Variants in DNAH14 observed in about 807,000 individuals in gnomAD.
DNAH14 encodes the protein dynein axonemal heavy chain 14, also known as axonemal beta dynein heavy chain 14.
In DNAH14, 478 loss-of-function variants were observed where a neutral mutation model predicts 520.9. The ratio of observed to expected loss-of-function variants is 0.92; its 90% CI spans 0.85 to 0.99. DNAH14 has a LOEUF of 0.99. Among genes scored for constraint, DNAH14 ranks in the 50% least tolerant of loss-of-function variants. DNAH14 has a pLI of 0.00. For synonymous variants in DNAH14, 1,581 were observed against 1,757.2 expected (o/e 0.90, Z 2.51); for missense variants, 4,831 against 5,234.5 (o/e 0.92, Z 2.38).
intron 8 of DNAH14, among the ~76,000 whole-genome samples, chr1:224,990,662 A>T (rs984323071): frequency 6.6e-6 from 1 of 152,234 alleles, no homozygotes; most frequent in African/African-American, 2.4e-5. Context: ...ATTCCATTGC[A>T]TATAGATACC....
At chr1:225,203,865 A>T (rs1045394280) in intron 38 of DNAH14, among the ~76,000 whole-genome samples, 2 of 152,130 alleles carry the variant, frequency 1.3e-5, no homozygotes, top group African/African-American at 4.8e-5. Flanking sequence ...ATGTATGGTG[A>T]TTGTCTGTGG....
At position 225,229,216 on chromosome 1, in the gene DNAH14, G is replaced by T. The variant is rs1461893642; in HGVS notation, c.6440-1857G>T. ...CTGTGCAGTCAGGCAAAATACCCGTGTCCACATACTTCTTTCATCCGTCGC... is the reference window on the plus strand; with the variant it reads ...CTGTGCAGTCAGGCAAAATACCCGTTTCCACATACTTCTTTCATCCGTCGC... On this transcript the variant is annotated intron_variant, in intron 41 of 85. Coordinates refer to ENST00000682510, the MANE Select transcript of DNAH14 (RefSeq NM_001367479.1). Among the ~76,000 whole-genome samples the T allele has an allele frequency of 3.9e-5, 6 of 152,160 alleles. No homozygotes were observed. In the East Asian group the frequency reaches 7.7e-4, roughly 20 times the overall value.
chr1:225,322,812 A>G lies in DNAH14; in HGVS notation c.9484A>G (p.Ile3162Val), dbSNP rs1428775772. Reference protein sequence around the residue: ...KKLINLDKDSIPDKVFVKLKK... With the variant: ...KKLINLDKDSVPDKVFVKLKK... ...ATTGATTAACCTTGACAAGGACAGCATACCTGATAAGGTAAAAAGTTGATC... is the reference window on the plus strand; with the variant it reads ...ATTGATTAACCTTGACAAGGACAGCGTACCTGATAAGGTAAAAAGTTGATC... Residue 3162 changes from isoleucine (I) to valine (V), a missense_variant, in exon 62 of 86, where the codon ATA (isoleucine) becomes GTA (valine). Coordinates refer to ENST00000682510, the MANE Select transcript of DNAH14 (RefSeq NM_001367479.1). 1.9e-6 allele frequency: 3 copies of G among 1,549,680 alleles called. No individual in the cohort carries two copies. The South Asian group carries it at 3.6e-5, about 18-fold the overall frequency.
intron 53 of DNAH14, among the ~76,000 whole-genome samples, chr1:225,276,756 C>A (rs76382354): frequency 6.7e-4 from 101 of 150,976 alleles, no homozygotes; most frequent in African/African-American, 2.4e-3. Flanking sequence ...TGCACACACA[C>A]AAAAATTTAA....
intron 43 of DNAH14, among the ~76,000 whole-genome samples, chr1:225,245,212 C>T (rs1230827978): frequency 2.6e-5 from 4 of 151,820 alleles, no homozygotes; most frequent in Non-Finnish European, 4.4e-5. Context: ...GTCTGAGAGA[C>T]TGTTATGATT....
chr1:225,004,761 A>G (rs191246684), intron 9 of DNAH14, among the ~76,000 whole-genome samples: 20 of 152,296 alleles, frequency 1.3e-4, no homozygotes, highest in Admixed American at 4.6e-4. Flanking sequence ...GTTGTGCATT[A>G]GAATCGGAAG....
chr1:225,137,468 G>A (rs1268588274), intron 27 of DNAH14, among the ~76,000 whole-genome samples: 2 of 152,166 alleles, frequency 1.3e-5, no homozygotes, highest in Non-Finnish European at 2.9e-5. Context: ...TCATTCTCCT[G>A]CCTCAGCCTC....
intron 41 of DNAH14, 47 bp from the exon 42 acceptor site, chr1:225,231,026 T>G: frequency 7.2e-7 from 1 of 1,381,746 alleles, no homozygotes; most frequent in Non-Finnish European, 1.0e-6. Flanking sequence ...ACCAGATAAA[T>G]TTTAGGTCTG....
chr1:225,372,799 CAG>C (rs2095634076), intron 77 of DNAH14, among the ~76,000 whole-genome samples: 1 of 140,502 alleles, frequency 7.1e-6, no homozygotes. Flanking sequence ...AAATGACTGA[CAG>C]AGAGTTAATA....
In DNAH14 at chr1:225,082,605, C is replaced by G; in HGVS notation, c.3193C>G (p.Gln1065Glu). 1 of 1,551,580 alleles carries G rather than the reference C, an allele frequency of 6.4e-7. No individual in the cohort carries two copies. Among genetic ancestry groups the G allele is most frequent in the South Asian group, 1.2e-5 (1 of 84,054 alleles). The change falls in exon 20 of 86, where the codon CAA becomes GAA. Residue 1065 changes from glutamine to glutamate, a missense_variant. By Grantham distance (29) the Gln-to-Glu change is conservative. Transcript: ENST00000682510. ...HLKQVVTEFK[Q>E]ELPIIIALGN... ...TAAGCAAGTGGTAACAGAGTTTAAA[C>G]AAGAGCTGCCTATCATTATAGCTCT...
chr1:224,939,656 C>G (rs745367581), intron 1 of DNAH14, among the ~76,000 whole-genome samples: 1 of 152,024 alleles, frequency 6.6e-6, no homozygotes, highest in African/African-American at 2.4e-5. Flanking sequence ...TGCCCTCCAG[C>G]CTGGGCAACA....
chr1:225,281,741 T>A (rs80104350), intron 54 of DNAH14, among the ~76,000 whole-genome samples: 5,528 of 152,210 alleles, frequency 0.036, 304 homozygotes, highest in African/African-American at 0.12. Context: ...TGGAGTTATG[T>A]TGAAGAAAAC....
intron 46 of DNAH14, among the ~76,000 whole-genome samples, chr1:225,259,494 G>A (rs897763763): frequency 2.0e-5 from 3 of 152,026 alleles, no homozygotes; most frequent in Admixed American, 6.5e-5. Context: ...ATGCTTTGAT[G>A]TATATACATA....
Position 225,023,704 on chromosome 1 carries a change from T to G in DNAH14, c.1197T>G (p.Arg399=). The stretch of plus-strand genomic sequence containing the variant: ...ATTTCAAGCTGCCTAAATATAGACG[T>G]TTATTAGAAACATTTTTCAAGTTTG... The part of the protein sequence containing the change: ...TTHFKLPKYR[R]LLETFFKFVM... The change falls in exon 11 of 86, where the codon CGT becomes CGG. Residue 399 remains arginine (R), a synonymous_variant. Coordinates refer to ENST00000682510, the MANE Select transcript of DNAH14 (RefSeq NM_001367479.1). 6.4e-7 allele frequency: 1 copy of G among 1,550,814 alleles called. No individual in the cohort carries two copies.
chr1:225,139,290 A>T (rs939550506), intron 27 of DNAH14, among the ~76,000 whole-genome samples: 1 of 152,210 alleles, frequency 6.6e-6, no homozygotes, highest in Non-Finnish European at 1.5e-5. Context: ...CTCTCCTAAG[A>T]TAAGATGTTT....
At chr1:225,066,774 T>A (rs2070940694) in intron 17 of DNAH14, among the ~76,000 whole-genome samples, 1 of 152,106 alleles carries the variant, frequency 6.6e-6, no homozygotes, top group Non-Finnish European at 1.5e-5. Context: ...CTGGGTTACT[T>A]CACTTAGAAT....
chr1:225,225,195 C>T (rs1335553505), intron 41 of DNAH14, among the ~76,000 whole-genome samples: 1 of 152,178 alleles, frequency 6.6e-6, no homozygotes, highest in Non-Finnish European at 1.5e-5. Context: ...CTCACAGACA[C>T]GTTCCCTCCT....
rs115853091 is a variant in DNAH14, at chr1:225,339,823, C to G, written c.10434-634C>G. Among the ~76,000 whole-genome samples, 916 of 152,280 alleles carry G rather than the reference C, an allele frequency of 6.0e-3. 3 individuals are homozygous for G. Among genetic ancestry groups the G allele is most frequent in the African/African-American group, 0.02 (850 of 41,556 alleles). The stretch of plus-strand genomic sequence containing the variant: ...TGTCTCTGCTTTATTAATCTGCCCA[C>G]TCTTCACTATGACTGCTGCTGACAC... On this transcript the variant is annotated intron_variant, in intron 68 of 85. Transcript: ENST00000682510.
intron 23 of DNAH14, among the ~76,000 whole-genome samples, chr1:225,116,507 G>A: frequency 6.6e-6 from 1 of 152,164 alleles, no homozygotes; most frequent in African/African-American, 2.4e-5. Flanking sequence ...GATACGTTTG[G>A]TTCATATTGA....
Sources: gnomAD v4.1 joint callset for allele counts (sites outside exome capture counted in the v4.1 genomes callset) on GRCh38, gnomAD v4.1.1 for gene constraint, MANE v1.5 for transcripts, NCBI Gene and HGNC (gene_info 2026-07-23, HGNC 2026-07-21) for gene names.